Variants in GALNTL6 observed in about 807,000 individuals in gnomAD.
GALNTL6 encodes the protein polypeptide N-acetylgalactosaminyltransferase like 6.
A neutral mutation model predicts 73.7 loss-of-function variants in GALNTL6; 46 were observed. That is an observed-to-expected ratio of 0.62 (90% CI 0.49 to 0.80). The LOEUF is 0.80. Ranked by LOEUF, GALNTL6 falls within the 30% of genes least tolerant of loss-of-function variation. The probability of loss-of-function intolerance (pLI) is 0.00; values close to 1 mark genes in which losing one functional copy is unlikely to be tolerated. For synonymous variants in GALNTL6, 259 were observed against 263.7 expected (o/e 0.98, Z 0.17); for missense variants, 604 against 755.0 (o/e 0.80, Z 2.34).
intron 5 of GALNTL6, among the ~76,000 whole-genome samples, chr4:172,475,874 A>C (rs534041700): frequency 6.6e-6 from 1 of 152,334 alleles, no homozygotes; most frequent in South Asian, 2.1e-4. Context: ...GTGTCCAATC[A>C]ACCCTCAGGC....
chr4:172,655,527 G>A (rs1730948475), intron 5 of GALNTL6, among the ~76,000 whole-genome samples: 1 of 152,162 alleles, frequency 6.6e-6, no homozygotes, highest in South Asian at 2.1e-4. Context: ...GCTTAGAATG[G>A]GTAAGTAACT....
intron 5 of GALNTL6, among the ~76,000 whole-genome samples, chr4:172,570,525 A>G (rs563856957): frequency 6.6e-6 from 1 of 152,274 alleles, no homozygotes; most frequent in Admixed American, 6.5e-5. Flanking sequence ...GTTCTTCAGA[A>G]GAAACCAGAC....
chr4:172,560,298 G>A (rs2110922936), intron 5 of GALNTL6, among the ~76,000 whole-genome samples: 1 of 150,980 alleles, frequency 6.6e-6, no homozygotes, highest in Non-Finnish European at 1.5e-5. Context: ...ACCATAGGGA[G>A]ACCTCATCTC....
chr4:172,384,251 G>C (rs985003372), intron 5 of GALNTL6, among the ~76,000 whole-genome samples: 18 of 152,078 alleles, frequency 1.2e-4, no homozygotes, highest in African/African-American at 3.9e-4. Context: ...TTTGTGGGTA[G>C]TTTTCCTAAT....
chr4:171,999,394 A>G (rs140520857), intron 2 of GALNTL6, among the ~76,000 whole-genome samples: 23 of 152,164 alleles, frequency 1.5e-4, no homozygotes, highest in African/African-American at 5.5e-4. Context: ...AATGTGTGCT[A>G]TTTCCGGGGA....
intron 5 of GALNTL6, among the ~76,000 whole-genome samples, chr4:172,360,610 G>C (rs1000746854): frequency 6.6e-6 from 1 of 152,126 alleles, no homozygotes; most frequent in African/African-American, 2.4e-5. Flanking sequence ...TTCTAAACTT[G>C]AATCAACACA....
chr4:172,069,516 T>TGTTA lies in GALNTL6; in HGVS notation c.139-160140_139-160139insGTTA, dbSNP rs1560909451. 3.5e-4 allele frequency among the ~76,000 whole-genome samples: 15 copies of TGTTA among 43,388 alleles called. 5 individuals carry two copies. The highest frequency in any genetic ancestry group is 7.0e-4 in the African/African-American group (11 of 15,770). 28.5% of individuals were successfully genotyped at this position (43,388 alleles called of 152,430 possible). The stretch of plus-strand genomic sequence containing the variant: ...ATGTTATATGTATAACACATATATG[T>TGTTA]TATATGTATAACACATATATTATAT... On this transcript the variant is annotated intron_variant, in intron 2 of 12. Coordinates refer to ENST00000506823, the MANE Select transcript of GALNTL6 (RefSeq NM_001034845.3).
intron 2 of GALNTL6, among the ~76,000 whole-genome samples, chr4:171,945,721 T>C (rs1010396887): frequency 6.6e-6 from 1 of 152,162 alleles, no homozygotes; most frequent in African/African-American, 2.4e-5. Context: ...GCATACATTA[T>C]GATAAACAAA....
intron 2 of GALNTL6, among the ~76,000 whole-genome samples, chr4:171,884,176 C>T (rs1736544674): frequency 1.3e-5 from 2 of 152,162 alleles, no homozygotes; most frequent in Admixed American, 6.6e-5. Context: ...CCACAGTGAC[C>T]TCCTGAATTA....
At chr4:172,071,780 T>C (rs550541106) in intron 2 of GALNTL6, among the ~76,000 whole-genome samples, 1 of 41,310 alleles carries the variant, frequency 2.4e-5, no homozygotes, top group Non-Finnish European at 5.9e-5. Context: ...GGGAAAGCTT[T>C]ATTATGGAAA....
intron 5 of GALNTL6, among the ~76,000 whole-genome samples, chr4:172,424,646 T>TAG (rs1197392546): frequency 6.6e-6 from 1 of 152,092 alleles, no homozygotes; most frequent in Non-Finnish European, 1.5e-5. Flanking sequence ...ACCAGGAGGA[T>TAG]AGAGACTCAA....
chr4:172,127,018 C>G (rs992856251), intron 2 of GALNTL6, among the ~76,000 whole-genome samples: 7 of 152,216 alleles, frequency 4.6e-5, no homozygotes, highest in Non-Finnish European at 7.3e-5. Flanking sequence ...GACAAGCTTA[C>G]CTGCCCCAGC....
intron 5 of GALNTL6, among the ~76,000 whole-genome samples, chr4:172,739,357 T>C (rs1736668417): frequency 6.6e-6 from 1 of 152,184 alleles, no homozygotes; most frequent in Admixed American, 6.5e-5. Flanking sequence ...CTTCTTGTCA[T>C]AAGGACAGGA....
intron 5 of GALNTL6, among the ~76,000 whole-genome samples, chr4:172,676,773 T>C (rs1732327105): frequency 6.6e-6 from 1 of 152,188 alleles, no homozygotes. Flanking sequence ...TTCTCCTGAG[T>C]GATTTCTATT....
chr4:172,579,240 A>G (rs1737073412), intron 5 of GALNTL6, among the ~76,000 whole-genome samples: 1 of 152,174 alleles, frequency 6.6e-6, no homozygotes, highest in South Asian at 2.1e-4. Context: ...CTTACTTTGC[A>G]CTAGGTAATT....
chr4:172,939,314 C>T (rs1748794378), intron 9 of GALNTL6, among the ~76,000 whole-genome samples: 1 of 152,036 alleles, frequency 6.6e-6, no homozygotes, highest in South Asian at 2.1e-4. Context: ...AACAAAACAA[C>T]ATAAAATATA....
chr4:172,603,608 A>T (rs1011186879), intron 5 of GALNTL6, among the ~76,000 whole-genome samples: 20 of 152,246 alleles, frequency 1.3e-4, no homozygotes, highest in Middle Eastern at 3.2e-3. Context: ...GAAACCATAG[A>T]TTAAAAAATA....
chr4:172,631,002 TG>T (rs1173077902), intron 5 of GALNTL6, among the ~76,000 whole-genome samples: 15 of 151,856 alleles, frequency 9.9e-5, no homozygotes, highest in African/African-American at 3.4e-4. Flanking sequence ...ATAAACTGTA[TG>T]AAAAATGTAA....
Position 172,968,109 on chromosome 4 carries a change from C to T in GALNTL6, c.1371+15851C>T, listed in dbSNP as rs1750414702. Among the ~76,000 whole-genome samples the T allele has an allele frequency of 3.3e-5, 5 of 152,270 alleles. No homozygotes were observed. In the South Asian group the frequency reaches 1.0e-3, roughly 32 times the overall value. ...AACATGGACATGATCTTACATAAAA[C>T]TGATGACAAGAAATCCCTCAAGTAC... On this transcript the variant is annotated intron_variant, in intron 10 of 12. Transcript: ENST00000506823.
Sources: gnomAD v4.1 joint callset for allele counts (sites outside exome capture counted in the v4.1 genomes callset) on GRCh38, gnomAD v4.1.1 for gene constraint, MANE v1.5 for transcripts, NCBI Gene and HGNC (gene_info 2026-07-23, HGNC 2026-07-21) for gene names.